The following ZNF804A variants were observed in gnomAD, a reference collection of about 807,000 sequenced individuals.
ZNF804A encodes zinc finger protein 804A.
A neutral mutation model predicts 16.5 loss-of-function variants in ZNF804A; 2 were observed. That is an observed-to-expected ratio of 0.12 (90% confidence interval 0.05 to 0.38). The LOEUF (loss-of-function observed/expected upper bound fraction) is 0.38, where lower values mean the gene tolerates loss of function less well. Among genes scored for constraint, ZNF804A ranks in the 10% least tolerant of loss-of-function variants. The probability of loss-of-function intolerance (pLI) is 0.99; values close to 1 mark genes in which losing one functional copy is unlikely to be tolerated. For synonymous variants in ZNF804A, 534 were observed against 489.6 expected (o/e 1.09, Z -1.20); for missense variants, 1,473 against 1,390.7 (o/e 1.06, Z -0.94).
At chr2:184,772,975 A>ATG (rs1319158094) in intron 1 of ZNF804A, among the ~76,000 whole-genome samples, 11 of 147,312 alleles carry the variant, frequency 7.5e-5, no homozygotes, top group Admixed American at 5.4e-4. Context: ...ATATATGTAT[A>ATG]TATATATGTG....
At chr2:184,752,539 T>G (rs1052283633) in intron 1 of ZNF804A, among the ~76,000 whole-genome samples, 9 of 151,450 alleles carry the variant, frequency 5.9e-5, no homozygotes, top group African/African-American at 2.2e-4. Context: ...ATGTTCACTA[T>G]TTGCAACTGA....
chr2:184,676,356 G>T (rs1036587840), intron 1 of ZNF804A, among the ~76,000 whole-genome samples: 3 of 150,436 alleles, frequency 2.0e-5, no homozygotes, highest in Admixed American at 1.3e-4. Flanking sequence ...TATTTAAAAA[G>T]CATTAATCAC....
At chr2:184,676,250 G>C (rs1333654326) in intron 1 of ZNF804A, among the ~76,000 whole-genome samples, 1 of 151,280 alleles carries the variant, frequency 6.6e-6, no homozygotes, top group Non-Finnish European at 1.5e-5. Flanking sequence ...ATATTCTACA[G>C]TGAATATATG....
At chr2:184,608,135 C>A (rs1691180806) in intron 1 of ZNF804A, among the ~76,000 whole-genome samples, 1 of 150,914 alleles carries the variant, frequency 6.6e-6, no homozygotes, top group Admixed American at 6.6e-5. Context: ...TTAGTAGAGA[C>A]GGGGTTTCAC....
chr2:184,930,967 C>G (rs1196550357), intron 2 of ZNF804A, among the ~76,000 whole-genome samples: 2 of 152,128 alleles, frequency 1.3e-5, no homozygotes, highest in Non-Finnish European at 2.9e-5. Context: ...GGGGAGTCCT[C>G]ACAATCATGG....
intron 1 of ZNF804A, among the ~76,000 whole-genome samples, chr2:184,865,498 A>G (rs1406213986): frequency 2.0e-5 from 3 of 152,058 alleles, no homozygotes; most frequent in African/African-American, 7.2e-5. Context: ...AAGAGCTTCA[A>G]GGAGGTGCTA....
At chr2:184,758,271 G>A (rs1004117037) in intron 1 of ZNF804A, among the ~76,000 whole-genome samples, 1 of 151,716 alleles carries the variant, frequency 6.6e-6, no homozygotes, top group Non-Finnish European at 1.5e-5. Context: ...TAGCGAATTA[G>A]GTAATATAAA....
chr2:184,878,068 A>C (rs1179834633), intron 2 of ZNF804A, among the ~76,000 whole-genome samples: 1 of 152,116 alleles, frequency 6.6e-6, no homozygotes, highest in Non-Finnish European at 1.5e-5. Flanking sequence ...CTCAGCCAAT[A>C]TCAATCTCAA....
chr2:184,798,143 G>T (rs1022671259), intron 1 of ZNF804A, among the ~76,000 whole-genome samples: 2 of 151,252 alleles, frequency 1.3e-5, no homozygotes. Flanking sequence ...TAGGTTACCT[G>T]GTTCTTTTGT....
chr2:184,631,467 A>G (rs533417345), intron 1 of ZNF804A, among the ~76,000 whole-genome samples: 104 of 152,284 alleles, frequency 6.8e-4, no homozygotes, highest in Non-Finnish European at 1.3e-3. Flanking sequence ...AGTCACTGGC[A>G]TATCATCTTT....
At chr2:184,621,150 T>C (rs1574134928) in intron 1 of ZNF804A, among the ~76,000 whole-genome samples, 2 of 151,708 alleles carry the variant, frequency 1.3e-5, no homozygotes, top group African/African-American at 4.8e-5. Flanking sequence ...ATCTCATACA[T>C]TTTTAGTTCT....
intron 1 of ZNF804A, among the ~76,000 whole-genome samples, chr2:184,816,530 A>G (rs1381616284): frequency 6.6e-6 from 1 of 152,024 alleles, no homozygotes; most frequent in Admixed American, 6.6e-5. Context: ...TATTTTTACA[A>G]TTATTCAACG....
chr2:184,745,755 T>A (rs563113848), intron 1 of ZNF804A, among the ~76,000 whole-genome samples: 1 of 151,782 alleles, frequency 6.6e-6, no homozygotes, highest in South Asian at 2.1e-4. Flanking sequence ...GGATTATTAC[T>A]ACTTATGGGC....
intron 1 of ZNF804A, among the ~76,000 whole-genome samples, chr2:184,775,185 C>G (rs1694268872): frequency 6.6e-6 from 1 of 151,494 alleles, no homozygotes; most frequent in African/African-American, 2.4e-5. Flanking sequence ...GTTTTAAGAT[C>G]TTAGGAGTGT....
At chr2:184,780,500 T>C (rs1420719965) in intron 1 of ZNF804A, among the ~76,000 whole-genome samples, 2 of 151,708 alleles carry the variant, frequency 1.3e-5, no homozygotes, top group Non-Finnish European at 2.9e-5. Flanking sequence ...TTTCTGTTTG[T>C]TTTTCCATTT....
In ZNF804A at chr2:184,666,006, A is replaced by C. The variant is rs185456743; in HGVS notation, c.111+66936A>C. On this transcript the variant is annotated intron_variant, in intron 1 of 3. Transcript: ENST00000302277. The stretch of plus-strand genomic sequence containing the variant: ...TCTCTATTTTAATATCAACCAATTA[A>C]ATTTGGTTTCATCTGCGAAATCCTT... Among the ~76,000 whole-genome samples the C allele has an allele frequency of 1.3e-3, 199 of 152,282 alleles. 3 individuals are homozygous for C. In the Middle Eastern group the frequency reaches 0.041, roughly 31 times the overall value.
At chr2:184,652,548 A>C (rs1692003122) in intron 1 of ZNF804A, among the ~76,000 whole-genome samples, 3 of 152,118 alleles carry the variant, frequency 2.0e-5, no homozygotes, top group African/African-American at 7.2e-5. Context: ...TTTTGGTGAA[A>C]TCCTGTTCTT....
chr2:184,654,708 G>A (rs1692047142), intron 1 of ZNF804A, among the ~76,000 whole-genome samples: 1 of 152,114 alleles, frequency 6.6e-6, no homozygotes, highest in Admixed American at 6.6e-5. Flanking sequence ...CATTTGAGAA[G>A]ATAGCAGCTA....
At chr2:184,781,174 A>T (rs1694366146) in intron 1 of ZNF804A, among the ~76,000 whole-genome samples, 1 of 151,800 alleles carries the variant, frequency 6.6e-6, no homozygotes, top group South Asian at 2.1e-4. Flanking sequence ...GGAAACAGAG[A>T]CATCATTGCA....
Sources: allele counts gnomAD v4.1 joint callset (sites outside exome capture counted in the v4.1 genomes callset), GRCh38; gene constraint gnomAD v4.1.1; transcripts MANE v1.5; gene names NCBI Gene and HGNC (gene_info 2026-07-23, HGNC 2026-07-21).